CDH26: variants seen among roughly 807,000 people sequenced by gnomAD.
CDH26 encodes cadherin-like protein 26.
A neutral mutation model predicts 90.3 loss-of-function variants in CDH26; 83 were observed. The ratio of observed to expected loss-of-function variants is 0.92; its 90% confidence interval spans 0.77 to 1.10. The LOEUF (loss-of-function observed/expected upper bound fraction) is 1.10, where lower values mean the gene tolerates loss of function less well. Ranked by LOEUF, CDH26 falls within the 50% of genes least tolerant of loss-of-function variation. The pLI is 0.00. For missense variants in CDH26, 1,013 were observed against 1,037.6 expected, an observed-to-expected ratio of 0.98 and a Z score of 0.33; for synonymous variants, 397 against 396.3, an observed-to-expected ratio of 1.00 and a Z score of -0.02.
At chr20:60,003,560 T>C (rs1350900175) in intron 16 of CDH26, among the ~76,000 whole-genome samples, 1 of 152,198 alleles carries the variant, frequency 6.6e-6, no homozygotes, top group Non-Finnish European at 1.5e-5. Flanking sequence ...TAGGATTCTC[T>C]TTGATTAATG....
intron 15 of CDH26, among the ~76,000 whole-genome samples, chr20:60,002,402 G>A (rs1266105776): frequency 6.6e-6 from 1 of 151,832 alleles, no homozygotes; most frequent in Non-Finnish European, 1.5e-5. Flanking sequence ...AAGAACCTCT[G>A]CTTGGTTTAA....
chr20:60,032,271 G>C (rs1263440194), intron 8 of CDH26, among the ~76,000 whole-genome samples: 1 of 152,180 alleles, frequency 6.6e-6, no homozygotes, highest in East Asian at 1.9e-4. Flanking sequence ...TGGGCCTGTA[G>C]GTTGGCTGTG....
intron 4 of CDH26, among the ~76,000 whole-genome samples, chr20:59,977,831 G>A (rs142617774): frequency 3.9e-5 from 6 of 152,158 alleles, no homozygotes; most frequent in South Asian, 2.1e-4. Context: ...GGCATCTTAC[G>A]TTTTATGGGT....
In CDH26 at chr20:59,969,970, A is replaced by C. The variant is rs957176581; in HGVS notation, c.127-112A>C. On this transcript the variant is annotated intron_variant, in intron 2 of 17. Coordinates refer to ENST00000348616, the MANE Select transcript of CDH26 (RefSeq NM_177980.4). ...TAGGTGGCTGTTCTGGCGATGAGAG[A>C]ATGCAGGCCAGGTGTCAGCACAGGG... 6.3e-6 allele frequency: 9 copies of C among 1,438,720 alleles called. No individual in the cohort carries two copies. The African/African-American group carries it at 1.2e-4, about 19-fold the overall frequency. The allele number at this position is 1,438,720 out of a possible 1,614,324, so 89.1% of individuals were successfully genotyped here.
chr20:60,004,491 G>C (rs1190169141), intron 16 of CDH26, among the ~76,000 whole-genome samples: 1 of 152,092 alleles, frequency 6.6e-6, no homozygotes, highest in African/African-American at 2.4e-5. Flanking sequence ...ACAGGCCAGG[G>C]CGCCGTGGCT....
intron 17 of CDH26, among the ~76,000 whole-genome samples, chr20:60,010,130 C>A (rs2061811735): frequency 6.6e-6 from 1 of 151,776 alleles, no homozygotes; most frequent in African/African-American, 2.4e-5. Context: ...AGGGCCCAGG[C>A]AGGGCTCCTG....
chr20:59,998,777 T>C (rs577398092), intron 13 of CDH26, among the ~76,000 whole-genome samples: 1 of 152,188 alleles, frequency 6.6e-6, no homozygotes, highest in Non-Finnish European at 1.5e-5. Context: ...CTCTTAAGTT[T>C]TTTGGACTCT....
At chr20:59,984,834 A>G (rs1569037238) in intron 6 of CDH26, 29 bp downstream of exon 6, 1 of 1,591,452 alleles carries the variant, frequency 6.3e-7, no homozygotes, top group East Asian at 2.2e-5. Flanking sequence ...TTTTTTTTAA[A>G]TGAAATGTGT....
chr20:59,987,932 C>G (rs1437494440), intron 8 of CDH26, among the ~76,000 whole-genome samples: 4 of 152,028 alleles, frequency 2.6e-5, no homozygotes, highest in African/African-American at 9.7e-5. Context: ...TTTACATAGG[C>G]CTTAAAATGA....
At chr20:60,010,421 G>T (rs1278894341) in intron 17 of CDH26, among the ~76,000 whole-genome samples, 1 of 152,154 alleles carries the variant, frequency 6.6e-6, no homozygotes, top group Admixed American at 6.5e-5. Context: ...TTCCTGCCAA[G>T]GTCTGTAGAA....
At chr20:59,963,541 T>G (rs1039084942) in intron 1 of CDH26, among the ~76,000 whole-genome samples, 2 of 152,206 alleles carry the variant, frequency 1.3e-5, no homozygotes, top group Non-Finnish European at 1.5e-5. Context: ...TGCATTGGCC[T>G]CTAGTCACAT....
rs1446891319 is a variant in CDH26 at position 60,031,150 on chromosome 20, G to A, written c.948-81G>A. 7.7e-6 allele frequency: 8 copies of A among 1,033,890 alleles called. 1 individual carries two copies. The South Asian group carries it at 2.3e-4, about 30-fold the overall frequency. The allele number at this position is 1,033,890 out of a possible 1,614,324, so 64.0% of individuals were successfully genotyped here. A position where few individuals can be genotyped will look rare whatever the true frequency, so the allele number is the denominator to read the frequency against. ...TTGTAAACTGTCATGGTGCTGGCGGGAATGTAGCAGTGGGGATGAACTGGA... is the reference window on the plus strand; with the variant it reads ...TTGTAAACTGTCATGGTGCTGGCGGAAATGTAGCAGTGGGGATGAACTGGA... On this transcript the variant is annotated intron_variant, in intron 7 of 8. Coordinates refer to the CDH26 transcript ENST00000370991.
chr20:60,008,900 G>A (rs2061790321), intron 17 of CDH26, among the ~76,000 whole-genome samples: 1 of 152,212 alleles, frequency 6.6e-6, no homozygotes, highest in Admixed American at 6.5e-5. Flanking sequence ...CTAAAAGCAG[G>A]CAAGCCAGGC....
rs79373787 is a variant in CDH26 at position 59,995,960 on chromosome 20, C to T, written c.1794C>T (p.Ala598=). ...QTVHVRICPC[A]SGLTCVELAD... ...TCCATGTAAGGATCTGCCCCTGTGCCAGTGGGCTCACATGTGTGGAGCTTG... is the reference window on the plus strand; with the variant it reads ...TCCATGTAAGGATCTGCCCCTGTGCTAGTGGGCTCACATGTGTGGAGCTTG... Residue 598 remains alanine, a synonymous_variant, in exon 12 of 18, where the codon GCC becomes GCT. Transcript: ENST00000348616. The T allele has an allele frequency of 1.5e-4, 247 of 1,614,216 alleles. No individual in the cohort carries two copies. In the East Asian group the frequency reaches 5.1e-3, roughly 33 times the overall value.
intron 14 of CDH26, among the ~76,000 whole-genome samples, chr20:60,000,159 G>A (rs576941546): frequency 1.3e-5 from 2 of 152,302 alleles, no homozygotes; most frequent in South Asian, 4.1e-4. Flanking sequence ...CAAAGGCCCG[G>A]GGCCCCTCTG....
intron 4 of CDH26, among the ~76,000 whole-genome samples, chr20:59,972,885 A>G (rs1263977033): frequency 1.3e-5 from 2 of 152,226 alleles, no homozygotes; most frequent in Non-Finnish European, 2.9e-5. Flanking sequence ...AAGTACTTAT[A>G]TACACAATAA....
chr20:60,013,501 T>G lies in CDH26; in HGVS notation c.*771T>G, dbSNP rs2061875167. On this transcript the variant is annotated 3_prime_UTR_variant, in exon 18 of 18. Transcript: ENST00000348616. Reference sequence around the variant, plus strand: ...GTCAGTTTCAGGGGAAGAAATGGTTTCTTTTAAAAATCTTAATAGGGGACA... The same window carrying G: ...GTCAGTTTCAGGGGAAGAAATGGTTGCTTTTAAAAATCTTAATAGGGGACA... 6.6e-6 allele frequency: 1 copy of G among 152,216 alleles called. No individual in the cohort carries two copies. Among genetic ancestry groups the G allele is most frequent in the African/African-American group, 2.4e-5 (1 of 41,464 alleles). The allele number at this position is 152,216 out of a possible 1,614,324, so 9.4% of individuals were successfully genotyped here. A position where few individuals can be genotyped will look rare whatever the true frequency, so the allele number is the denominator to read the frequency against.
intron 7 of CDH26, among the ~76,000 whole-genome samples, chr20:60,025,181 G>C (rs575755336): frequency 6.6e-6 from 1 of 152,288 alleles, no homozygotes; most frequent in Admixed American, 6.5e-5. Flanking sequence ...ATTCATCGTC[G>C]AACTTAATAC....
chr20:60,021,529 T>A (rs1464228551), intron 7 of CDH26, among the ~76,000 whole-genome samples: 1 of 152,198 alleles, frequency 6.6e-6, no homozygotes, highest in African/African-American at 2.4e-5. Context: ...ATTCATACCT[T>A]ACATTAAAAA....
Sources: gnomAD v4.1 joint callset for allele counts (sites outside exome capture counted in the v4.1 genomes callset) on GRCh38, gnomAD v4.1.1 for gene constraint, MANE v1.5 for transcripts, NCBI Gene and HGNC (gene_info 2026-07-23, HGNC 2026-07-21) for gene names.